The following NKAIN4 variants were observed in gnomAD, a reference collection of about 807,000 sequenced individuals.
NKAIN4 encodes the protein sodium/potassium transporting ATPase interacting 4.
NKAIN4 carries 28 observed loss-of-function variants against 28.8 expected under a neutral mutation model. The ratio of observed to expected loss-of-function variants is 0.97; its 90% confidence interval spans 0.72 to 1.33. NKAIN4 has a LOEUF of 1.33. Ranked by LOEUF, NKAIN4 falls within the 40% of genes most tolerant of loss-of-function variation. The probability of loss-of-function intolerance (pLI) is 0.00; values close to 1 mark genes in which losing one functional copy is unlikely to be tolerated. For synonymous variants in NKAIN4, 122 were observed against 115.6 expected, an observed-to-expected ratio of 1.06 and a Z score of -0.36; for missense variants, 289 against 277.2, an observed-to-expected ratio of 1.04 and a Z score of -0.30.
intron 6 of NKAIN4, chr20:63,241,755 G>A (rs1407799815): frequency 5.9e-6 from 4 of 672,620 alleles, no homozygotes; most frequent in Admixed American, 2.1e-5. Context: ...CTGTGGGGCT[G>A]GGAGTGGAGA....
chr20:63,254,730 C>G (rs998477202), upstream of NKAIN4: 2 of 275,052 alleles, frequency 7.3e-6, no homozygotes, highest in Non-Finnish European at 1.4e-5. Context: ...GGGGCGGCGC[C>G]GCGGCCCCAG....
At chr20:63,250,128 C>A (rs2066931476) in intron 1 of NKAIN4, 56 bp from the exon 2 acceptor site, 3 of 1,510,198 alleles carry the variant, frequency 2.0e-6, no homozygotes, top group Non-Finnish European at 2.7e-6. Context: ...CCAGGCCCGC[C>A]AGCCAGGTAC....
chr20:63,245,028 C>T lies in NKAIN4; in HGVS notation c.472-944G>A, dbSNP rs554603626. 6.6e-6 allele frequency among the ~76,000 whole-genome samples: 1 copy of T among 152,310 alleles called. No individual in the cohort carries two copies. Among genetic ancestry groups the T allele is most frequent in the Admixed American group, 6.5e-5 (1 of 15,304 alleles). ...CCCAACAGCCCCCCGTGAAGGCCAC[C>T]GTGCCCAGGAGAGGAGACAGGACAC... On this transcript the variant is annotated intron_variant, in intron 4 of 6. Transcript: ENST00000370316. This position sits in a 1 kb window ranked among gnomAD's most constrained non-coding sequence, Gnocchi z 4.7.
At chr20:63,253,044 C>G (rs1465413922) in intron 1 of NKAIN4, among the ~76,000 whole-genome samples, 3 of 152,220 alleles carry the variant, frequency 2.0e-5, no homozygotes, top group Non-Finnish European at 4.4e-5. Context: ...GCATCACCAG[C>G]TGCCACTGGC....
intron 5 of NKAIN4, 99 bp downstream of exon 5, chr20:63,243,925 G>A: frequency 1.0e-6 from 1 of 989,766 alleles, no homozygotes; most frequent in Non-Finnish European, 1.5e-6. Flanking sequence ...TCCCTTCCAA[G>A]TGGGGAGGTC....
At chr20:63,250,915 C>T (rs1463077700) in intron 1 of NKAIN4, among the ~76,000 whole-genome samples, 4 of 149,550 alleles carry the variant, frequency 2.7e-5, no homozygotes, top group East Asian at 2.0e-4. Context: ...GCCCTATCCC[C>T]CACCCCAGCC....
chr20:63,244,306 CA>C (rs1390780641), intron 4 of NKAIN4, among the ~76,000 whole-genome samples: 1 of 152,226 alleles, frequency 6.6e-6, no homozygotes, highest in Non-Finnish European at 1.5e-5. Flanking sequence ...CCACCCCACT[CA>C]ACTGGGTAGG....
Position 63,254,439 on chromosome 20 carries a change from G to A in NKAIN4, c.12C>T (p.Cys4=). The change falls in exon 1 of 7, where the codon TGC becomes TGT. Residue 4 remains cysteine, a synonymous_variant. Transcript: ENST00000370316. ...GGACGACGAGCGCGCAGCGGCCGGA[G>A]CAGGAGCCCATGGTGCCCGCCTATA... The part of the protein sequence containing the change: MGS[C]SGRCALVVLC... 1.4e-6 allele frequency: 2 copies of A among 1,415,940 alleles called. No homozygotes were observed. The highest frequency in any genetic ancestry group is 1.8e-6 in the Non-Finnish European group (2 of 1,084,146). The allele number at this position is 1,415,940 out of a possible 1,614,324, so 87.7% of individuals were successfully genotyped here. A position where few individuals can be genotyped will look rare whatever the true frequency, so the allele number is the denominator to read the frequency against.
rs936681081 is a variant in NKAIN4 at position 63,252,427 on chromosome 20, C to T, written c.54+1970G>A. Among the ~76,000 whole-genome samples the T allele has an allele frequency of 2.6e-5, 4 of 152,054 alleles. No individual in the cohort carries two copies. Among genetic ancestry groups the T allele is most frequent in the South Asian group, 2.1e-4 (1 of 4,816 alleles). On this transcript the variant is annotated intron_variant, in intron 1 of 6. Coordinates refer to ENST00000370316, the MANE Select transcript of NKAIN4 (RefSeq NM_152864.4). The surrounding 1 kb of genome is among the most constrained non-coding windows in gnomAD (Gnocchi z 4.6). Reference sequence around the variant, plus strand: ...CAGAAGAGATGCCTGGGCCCTTTGTCCTGTAGCTTGGTAACACAAAATTCT... The same window carrying T: ...CAGAAGAGATGCCTGGGCCCTTTGTTCTGTAGCTTGGTAACACAAAATTCT...
In NKAIN4 at chr20:63,246,610, T is replaced by C. The variant is rs542225804; in HGVS notation, c.471+968A>G. Reference sequence around the variant, plus strand: ...GCCGCCGGCCATGGAGCCTCGCTCCTGGAAGCCCCAGGTCCACCTGGTGTG... The same window carrying C: ...GCCGCCGGCCATGGAGCCTCGCTCCCGGAAGCCCCAGGTCCACCTGGTGTG... On this transcript the variant is annotated intron_variant, in intron 4 of 6. Coordinates refer to ENST00000370316, the MANE Select transcript of NKAIN4 (RefSeq NM_152864.4). 4 of 985,258 alleles carry C rather than the reference T, an allele frequency of 4.1e-6. No individual in the cohort carries two copies. In the South Asian group the frequency reaches 1.4e-4, roughly 35 times the overall value. The allele number at this position is 985,258 out of a possible 1,614,324, so 61.0% of individuals were successfully genotyped here. A position where few individuals can be genotyped will look rare whatever the true frequency, so the allele number is the denominator to read the frequency against.
Position 63,252,636 on chromosome 20 carries a change from G to A in NKAIN4, c.54+1761C>T, listed in dbSNP as rs538841544. ...AAGGCCTTTGACAGCTCCCTGCTGCGGTTCAGCAGTGACCCAGAGGCTGGC... is the reference window on the plus strand; with the variant it reads ...AAGGCCTTTGACAGCTCCCTGCTGCAGTTCAGCAGTGACCCAGAGGCTGGC... On this transcript the variant is annotated intron_variant, in intron 1 of 6. Transcript: ENST00000370316. This position sits in a 1 kb window ranked among gnomAD's most constrained non-coding sequence, Gnocchi z 4.6. Among the ~76,000 whole-genome samples, 16 of 152,200 alleles carry A rather than the reference G, an allele frequency of 1.1e-4. No homozygotes were observed. The highest frequency in any genetic ancestry group is 3.4e-3 in the Middle Eastern group (1 of 294).
chr20:63,250,107 C>G, intron 1 of NKAIN4, 35 bp from the exon 2 acceptor site: 1 of 1,532,706 alleles, frequency 6.5e-7, no homozygotes, highest in Non-Finnish European at 8.8e-7. Context: ...AGGGTGGACC[C>G]GAGGGAGGCC....
intron 6 of NKAIN4, 199 bp from the exon 7 acceptor site, chr20:63,241,705 C>T (rs1210570219): frequency 1.0e-5 from 7 of 700,076 alleles, no homozygotes; most frequent in East Asian, 5.6e-5. Context: ...GGCAGGTCAG[C>T]GTCTTGTGCC....
At chr20:63,241,901 C>A (rs1014927722) in intron 6 of NKAIN4, 3 of 383,022 alleles carry the variant, frequency 7.8e-6, no homozygotes, top group African/African-American at 4.2e-5. Flanking sequence ...CCTGCCGGGA[C>A]AGCCCTCATT....
At chr20:63,254,146 C>T in intron 1 of NKAIN4, 1 of 435,090 alleles carries the variant, frequency 2.3e-6, no homozygotes. Context: ...GCACCTGTCC[C>T]CGCCGCTCCG....
chr20:63,244,012 C>T lies in NKAIN4; in HGVS notation c.532+12G>A, dbSNP rs767698810. 2 of 1,609,348 alleles carry T rather than the reference C, an allele frequency of 1.2e-6. No individual in the cohort carries two copies. The highest frequency in any genetic ancestry group is 1.3e-5 in the African/African-American group (1 of 74,846). On this transcript the variant is annotated intron_variant, in intron 5 of 6. Transcript: ENST00000370316. ...TCTCCCGCCCCACTGCCTGCAGAGG[C>T]CCCATACTCACAGCTGTCCTCTTCC...
rs2066841794 is a variant in NKAIN4 at position 63,245,596 on chromosome 20, G to T, written c.472-1512C>A. Among the ~76,000 whole-genome samples, 1 of 151,912 alleles carries T rather than the reference G, an allele frequency of 6.6e-6. No homozygotes were observed. The highest frequency in any genetic ancestry group is 1.5e-5 in the Non-Finnish European group (1 of 67,972). ...CTGCATGGAGGCCTGGGATCTGCAG[G>T]CCCCGCACCCCAACCCCCAGAGCCT... On this transcript the variant is annotated intron_variant, in intron 4 of 6. Coordinates refer to ENST00000370316, the MANE Select transcript of NKAIN4 (RefSeq NM_152864.4). This position sits in a 1 kb window ranked among gnomAD's most constrained non-coding sequence, Gnocchi z 4.7.
At position 63,241,393 on chromosome 20, in the gene NKAIN4, G is replaced by T; in HGVS notation, c.*104C>A. 8.0e-7 allele frequency: 1 copy of T among 1,254,364 alleles called. No homozygotes were observed. The highest frequency in any genetic ancestry group is 1.1e-6 in the Non-Finnish European group (1 of 878,322). The allele number at this position is 1,254,364 out of a possible 1,614,324, so 77.7% of individuals were successfully genotyped here. On this transcript the variant is annotated 3_prime_UTR_variant, in exon 7 of 7. Transcript: ENST00000370316. ...GGCAGGTGCTGCCGGCCGCCTGGGG[G>T]GTGCTGGGTGGGGGCGCGTCCCAAG...
intron 1 of NKAIN4, chr20:63,253,284 G>A: frequency 1.0e-6 from 1 of 985,402 alleles, no homozygotes; most frequent in Non-Finnish European, 1.2e-6. Context: ...CAGGACCTCA[G>A]GTTATCTCCG....
Sources: allele counts gnomAD v4.1 joint callset (sites outside exome capture counted in the v4.1 genomes callset), GRCh38; gene constraint gnomAD v4.1.1; non-coding constraint Gnocchi (gnomAD v3.1); transcripts MANE v1.5; gene names NCBI Gene and HGNC (gene_info 2026-07-23, HGNC 2026-07-21).